PLCL2: variants seen among roughly 807,000 people sequenced by gnomAD.
The protein encoded by PLCL2 is inactive phospholipase C-like protein 2.
A neutral mutation model predicts 79.6 loss-of-function variants in PLCL2; 4 were observed. The observed-to-expected ratio is 0.05, with a 90% CI of 0.02 to 0.11. PLCL2 has a LOEUF of 0.11. Ranked by LOEUF, PLCL2 falls within the 10% of genes least tolerant of loss-of-function variation. PLCL2 has a pLI of 1.00. For synonymous variants in PLCL2, 484 were observed against 457.7 expected (o/e 1.06, Z -0.73); for missense variants, 895 against 1,291.0 (o/e 0.69, Z 4.70).
At chr3:17,071,740 C>A (rs1220332296) in intron 5 of PLCL2, among the ~76,000 whole-genome samples, 1 of 152,028 alleles carries the variant, frequency 6.6e-6, no homozygotes, top group East Asian at 1.9e-4. Flanking sequence ...ATTTTTATTT[C>A]TTAGTGCTAC....
chr3:16,972,109 A>C (rs1424791986), intron 1 of PLCL2, among the ~76,000 whole-genome samples: 2 of 152,220 alleles, frequency 1.3e-5, no homozygotes, highest in Non-Finnish European at 2.9e-5. Flanking sequence ...ATTCCCTTTG[A>C]AAACTGGCAC....
chr3:16,975,306 G>C (rs930526649), intron 1 of PLCL2, among the ~76,000 whole-genome samples: 1 of 152,138 alleles, frequency 6.6e-6, no homozygotes, highest in African/African-American at 2.4e-5. Context: ...TCTATGATTT[G>C]GTTCCTTATT....
At chr3:16,978,263 TAC>T (rs1443000969) in intron 1 of PLCL2, among the ~76,000 whole-genome samples, 3 of 152,166 alleles carry the variant, frequency 2.0e-5, no homozygotes, top group Admixed American at 6.6e-5. Context: ...GTGGACAACT[TAC>T]AAAAATTAAT....
rs1267629421 is a variant in PLCL2 at position 16,886,686 on chromosome 3, A to T, written c.327+1320A>T. On this transcript the variant is annotated intron_variant, in intron 1 of 5. Transcript: ENST00000615277. The surrounding 1 kb of genome is among the most constrained non-coding windows in gnomAD (Gnocchi z 4.2). ...ACACACGTAGAGATAAACTAAGGAA[A>T]GTAAAGTGTCTTTTTGCTGCATACA... 6.6e-6 allele frequency among the ~76,000 whole-genome samples: 1 copy of T among 152,248 alleles called. No homozygotes were observed.
intron 5 of PLCL2, among the ~76,000 whole-genome samples, chr3:17,068,594 A>G (rs2124943795): frequency 6.6e-6 from 1 of 152,294 alleles, no homozygotes; most frequent in East Asian, 1.9e-4. Context: ...CTCTATGCAT[A>G]TCTATTTTGG....
At chr3:16,900,980 T>G (rs1217295936) in intron 1 of PLCL2, among the ~76,000 whole-genome samples, 1 of 152,198 alleles carries the variant, frequency 6.6e-6, no homozygotes, top group Non-Finnish European at 1.5e-5. Flanking sequence ...GTGAATTGTT[T>G]GCTAGTTGAG....
chr3:16,954,887 T>G (rs1416340676), intron 1 of PLCL2, among the ~76,000 whole-genome samples: 2 of 152,232 alleles, frequency 1.3e-5, no homozygotes, highest in African/African-American at 4.8e-5. Flanking sequence ...TGTATTTTCT[T>G]GTAAATTTGT....
chr3:16,979,235 T>C (rs1216873947), intron 1 of PLCL2, among the ~76,000 whole-genome samples: 1 of 152,184 alleles, frequency 6.6e-6, no homozygotes. Flanking sequence ...TTAATTCTCA[T>C]GGCTATGTTC....
intron 3 of PLCL2, among the ~76,000 whole-genome samples, chr3:17,022,223 C>T (rs1000669072): frequency 6.6e-6 from 1 of 152,132 alleles, no homozygotes; most frequent in African/African-American, 2.4e-5. Flanking sequence ...CTTTGTAAAC[C>T]TATGCTTTAC....
intron 1 of PLCL2, among the ~76,000 whole-genome samples, chr3:16,984,515 G>A (rs927713874): frequency 2.6e-5 from 4 of 152,050 alleles, no homozygotes; most frequent in Non-Finnish European, 5.9e-5. Context: ...ATTAATCTGC[G>A]TGGTTTCTAA....
intron 4 of PLCL2, among the ~76,000 whole-genome samples, chr3:17,045,559 A>G (rs146632757): frequency 3.5e-4 from 53 of 152,338 alleles, no homozygotes; most frequent in South Asian, 1.2e-3. Flanking sequence ...GGACCATGGA[A>G]AGAGCAGTGG....
chr3:16,939,326 A>T (rs1309067933), intron 1 of PLCL2, among the ~76,000 whole-genome samples: 1 of 152,224 alleles, frequency 6.6e-6, no homozygotes, highest in Admixed American at 6.5e-5. Context: ...TTAAATGCTT[A>T]TTTTAGAAAA....
At chr3:17,007,618 A>T (rs1021045672) in intron 1 of PLCL2, among the ~76,000 whole-genome samples, 4 of 152,254 alleles carry the variant, frequency 2.6e-5, no homozygotes, top group Non-Finnish European at 5.9e-5. Context: ...AATGATACCC[A>T]TATGATTTAA....
At chr3:16,994,032 T>C (rs1340503241) in intron 1 of PLCL2, among the ~76,000 whole-genome samples, 2 of 152,218 alleles carry the variant, frequency 1.3e-5, no homozygotes, top group Admixed American at 1.3e-4. Flanking sequence ...TTAACAGCAG[T>C]GAGGCCTGGT....
At chr3:16,955,164 AAC>A (rs2063692395) in intron 1 of PLCL2, among the ~76,000 whole-genome samples, 1 of 152,230 alleles carries the variant, frequency 6.6e-6, no homozygotes, top group Admixed American at 6.5e-5. Flanking sequence ...TTTTAGGTCT[AAC>A]ATGTAAGTCT....
At chr3:17,045,894 C>T (rs1445244482) in intron 4 of PLCL2, among the ~76,000 whole-genome samples, 6 of 152,132 alleles carry the variant, frequency 3.9e-5, no homozygotes, top group South Asian at 2.1e-4. Context: ...TTTCCATTGA[C>T]GAGGTAAACA....
chr3:17,074,753 T>C (rs1325076362), intron 5 of PLCL2, among the ~76,000 whole-genome samples: 2 of 152,232 alleles, frequency 1.3e-5, no homozygotes. Context: ...GTGGTGGAGA[T>C]GGCTTATTTC....
At chr3:17,006,337 C>A (rs1299683460) in intron 1 of PLCL2, among the ~76,000 whole-genome samples, 1 of 152,184 alleles carries the variant, frequency 6.6e-6, no homozygotes, top group East Asian at 1.9e-4. Context: ...AGTTCTCCTT[C>A]CCTCCCACAC....
chr3:17,045,100 T>C (rs1444602177), intron 4 of PLCL2, among the ~76,000 whole-genome samples: 5 of 152,202 alleles, frequency 3.3e-5, no homozygotes, highest in Non-Finnish European at 5.9e-5. Context: ...TTTACAATTA[T>C]GGTAAGGACA....
Sources: allele counts gnomAD v4.1 joint callset (sites outside exome capture counted in the v4.1 genomes callset), GRCh38; gene constraint gnomAD v4.1.1; non-coding constraint Gnocchi (gnomAD v3.1); transcripts MANE v1.5; gene names NCBI Gene and HGNC (gene_info 2026-07-23, HGNC 2026-07-21).